PPP2CB: variants seen among roughly 807,000 people sequenced by gnomAD.
PPP2CB encodes the protein protein phosphatase 2 catalytic subunit beta.
Under a neutral mutation model 39.1 loss-of-function variants are expected in PPP2CB, and 18 were observed. The ratio of observed to expected loss-of-function variants is 0.46; its 90% CI spans 0.32 to 0.68. The LOEUF (loss-of-function observed/expected upper bound fraction) is 0.68. Ranked by LOEUF, PPP2CB falls within the 30% of genes least tolerant of loss-of-function variation. The pLI, the probability that PPP2CB is intolerant of heterozygous loss-of-function variation, is 0.04. For missense variants in PPP2CB, 226 were observed against 396.9 expected (o/e 0.57, Z 3.66); for synonymous variants, 129 against 133.8 (o/e 0.96, Z 0.25).
At chr8:30,795,085 G>T (rs549506958) in intron 3 of PPP2CB, among the ~76,000 whole-genome samples, 1 of 149,964 alleles carries the variant, frequency 6.7e-6, no homozygotes, top group African/African-American at 2.4e-5. Context: ...AGAGAATAAC[G>T]TAAGTTTTAA....
intron 6 of PPP2CB, among the ~76,000 whole-genome samples, chr8:30,787,989 A>T (rs1429605549): frequency 6.6e-6 from 1 of 152,142 alleles, no homozygotes; most frequent in African/African-American, 2.4e-5. Context: ...ATAGTTATTT[A>T]TTGTATTCCC....
intron 1 of PPP2CB, among the ~76,000 whole-genome samples, chr8:30,800,390 C>T (rs1357241534): frequency 6.6e-6 from 1 of 152,124 alleles, no homozygotes; most frequent in African/African-American, 2.4e-5. Flanking sequence ...TTATTATTCA[C>T]AAGTTTAAAA....
At chr8:30,812,251 G>C (rs1806848079) in intron 1 of PPP2CB, 69 bp downstream of exon 1, 1 of 1,237,104 alleles carries the variant, frequency 8.1e-7, no homozygotes. Context: ...GGACGGGACC[G>C]GGGCGGGCAG....
intron 1 of PPP2CB, among the ~76,000 whole-genome samples, chr8:30,800,170 C>T (rs895837638): frequency 5.9e-5 from 9 of 152,162 alleles, no homozygotes; most frequent in Admixed American, 2.0e-4. Context: ...ATTGATCAAC[C>T]GATGAATGGA....
At chr8:30,804,648 T>C (rs1027132937) in intron 1 of PPP2CB, among the ~76,000 whole-genome samples, 1 of 152,194 alleles carries the variant, frequency 6.6e-6, no homozygotes, top group African/African-American at 2.4e-5. Context: ...CGGAACCCAC[T>C]GAACTAGTAT....
At chr8:30,802,132 C>T (rs113122754) in intron 1 of PPP2CB, among the ~76,000 whole-genome samples, 8 of 152,310 alleles carry the variant, frequency 5.3e-5, no homozygotes, top group African/African-American at 1.9e-4. Flanking sequence ...ATACTTTCTT[C>T]TCCTTGCTTG....
chr8:30,791,376 T>A, intron 5 of PPP2CB, 61 bp from the exon 6 acceptor site: 1 of 1,295,874 alleles, frequency 7.7e-7, no homozygotes, highest in South Asian at 1.3e-5. Context: ...CACAGACACA[T>A]TTAAAAAAAA....
chr8:30,804,314 T>TA (rs1806682128), intron 1 of PPP2CB, among the ~76,000 whole-genome samples: 1 of 152,204 alleles, frequency 6.6e-6, no homozygotes, highest in African/African-American at 2.4e-5. Context: ...AGTGAAGAAT[T>TA]AACCTCACCC....
Position 30,786,397 on chromosome 8 carries a change from CA to C in PPP2CB, c.858-91del, listed in dbSNP as rs1487225383. On this transcript the variant is annotated intron_variant, in intron 6 of 6. Coordinates refer to ENST00000221138, the MANE Select transcript of PPP2CB (RefSeq NM_001009552.2). ...GAACAAGACACTGTAGTAGAAACAG[CA>C]GTCCTGCTTTCCCACCATGACTACA... 82 of 1,077,764 alleles carry C rather than the reference CA, an allele frequency of 7.6e-5. No homozygotes were observed. In the African/African-American group the frequency reaches 1.1e-3, roughly 15 times the overall value. 66.8% of individuals were successfully genotyped at this position (1,077,764 alleles called of 1,614,324 possible).
chr8:30,807,318 A>T lies in PPP2CB; in HGVS notation c.102+5002T>A, dbSNP rs535458170. ...CAATCACAGAAAGTAATCTAAAAAA[A>T]TTTTCTCAATTCACAAAAATCACTC... On this transcript the variant is annotated intron_variant, in intron 1 of 6. Transcript: ENST00000221138. 3.3e-5 allele frequency among the ~76,000 whole-genome samples: 5 copies of T among 152,180 alleles called. No individual in the cohort carries two copies. In the South Asian group the frequency reaches 8.3e-4, roughly 25 times the overall value.
At chr8:30,789,325 T>A (rs772316734) in intron 6 of PPP2CB, among the ~76,000 whole-genome samples, 1 of 152,198 alleles carries the variant, frequency 6.6e-6, no homozygotes, top group Non-Finnish European at 1.5e-5. Context: ...CCACCGTGCC[T>A]GACCGTTTTT....
At chr8:30,797,493 G>A in intron 3 of PPP2CB, 88 bp downstream of exon 3, 1 of 1,295,320 alleles carries the variant, frequency 7.7e-7, no homozygotes, top group Non-Finnish European at 1.1e-6. Context: ...CAGAAACACA[G>A]GTCATATGAA....
chr8:30,798,904 C>T (rs1168450307), intron 2 of PPP2CB, among the ~76,000 whole-genome samples: 1 of 152,092 alleles, frequency 6.6e-6, no homozygotes, highest in Non-Finnish European at 1.5e-5. Context: ...AGGATAACCT[C>T]GTGGGGGAAA....
chr8:30,801,498 C>A (rs1464226618), intron 1 of PPP2CB, among the ~76,000 whole-genome samples: 2 of 150,842 alleles, frequency 1.3e-5, no homozygotes, highest in Non-Finnish European at 2.9e-5. Flanking sequence ...CGTGCCACTG[C>A]ACTCCAGCCT....
rs1301921243 is a variant in PPP2CB, at chr8:30,789,012, A to T, written c.857+2185T>A. Among the ~76,000 whole-genome samples the T allele has an allele frequency of 3.4e-5, 5 of 148,798 alleles. No individual in the cohort carries two copies. The East Asian group carries it at 9.8e-4, about 29-fold the overall frequency. On this transcript the variant is annotated intron_variant, in intron 6 of 6. Transcript: ENST00000221138. ...TAACTGTAAAGTCTACTTCCCCCATAGTGTGCAGCCCCTGTGGCCCTGCTC... is the reference window on the plus strand; with the variant it reads ...TAACTGTAAAGTCTACTTCCCCCATTGTGTGCAGCCCCTGTGGCCCTGCTC...
rs373018548 is a variant in PPP2CB, at chr8:30,801,417, A to G, written c.103-1662T>C. On this transcript the variant is annotated intron_variant, in intron 1 of 6. Transcript: ENST00000221138. ...CATGGTGGCGGGCGCCTGTAGCCCC[A>G]GCTACTCAGGAGGCTGAGGCAGGAG... 9.9e-5 allele frequency among the ~76,000 whole-genome samples: 15 copies of G among 152,196 alleles called. No homozygotes were observed. In the East Asian group the frequency reaches 1.9e-3, roughly 20 times the overall value.
chr8:30,790,484 T>G (rs1405108055), intron 6 of PPP2CB, among the ~76,000 whole-genome samples: 1 of 152,198 alleles, frequency 6.6e-6, no homozygotes, highest in Non-Finnish European at 1.5e-5. Context: ...CTCCATCACC[T>G]AAGTAAGATA....
At chr8:30,803,231 G>T (rs1216169350) in intron 1 of PPP2CB, among the ~76,000 whole-genome samples, 1 of 151,874 alleles carries the variant, frequency 6.6e-6, no homozygotes, top group East Asian at 1.9e-4. Context: ...GACAAATACA[G>T]GTATTTCATG....
In PPP2CB at chr8:30,785,674, T is replaced by C. The variant is rs1255979702; in HGVS notation, c.*561A>G. 1.6e-5 allele frequency: 3 copies of C among 192,920 alleles called. No homozygotes were observed. The highest frequency in any genetic ancestry group is 3.2e-5 in the Non-Finnish European group (3 of 92,976). The allele number at this position is 192,920 out of a possible 1,614,324, so 12.0% of individuals were successfully genotyped here. ...TACACCAAATAGGATGCAAGCACTG[T>C]CATGACAAATATACAGAAATATGCA... On this transcript the variant is annotated 3_prime_UTR_variant, in exon 7 of 7. Transcript: ENST00000221138.
Sources: allele counts gnomAD v4.1 joint callset (sites outside exome capture counted in the v4.1 genomes callset), GRCh38; gene constraint gnomAD v4.1.1; transcripts MANE v1.5; gene names NCBI Gene and HGNC (gene_info 2026-07-23, HGNC 2026-07-21).